Variants in CNTN5 observed in about 807,000 individuals in gnomAD.
CNTN5 encodes contactin-5.
Under a neutral mutation model 129.1 loss-of-function variants are expected in CNTN5, and 77 were observed. The ratio of observed to expected loss-of-function variants is 0.60; its 90% CI spans 0.50 to 0.72. CNTN5 has a LOEUF of 0.72. Among genes scored for constraint, CNTN5 ranks in the 30% least tolerant of loss-of-function variants. CNTN5 has a pLI of 0.00. For synonymous variants in CNTN5, 509 were observed against 465.6 expected (o/e 1.09, Z -1.20); for missense variants, 1,478 against 1,328.8 (o/e 1.11, Z -1.75).
intron 3 of CNTN5, among the ~76,000 whole-genome samples, chr11:99,715,561 T>A (rs1311018478): frequency 6.6e-6 from 1 of 151,958 alleles, no homozygotes; most frequent in Admixed American, 6.6e-5. Context: ...TTTTATGGCC[T>A]GTATAGTTTC....
At chr11:100,264,160 G>T (rs1591450854) in intron 17 of CNTN5, among the ~76,000 whole-genome samples, 1 of 152,076 alleles carries the variant, frequency 6.6e-6, no homozygotes, top group African/African-American at 2.4e-5. Context: ...GTTTGTTTTA[G>T]AAGTCCCTAC....
chr11:99,413,604 G>A (rs943722779), intron 2 of CNTN5, among the ~76,000 whole-genome samples: 14 of 142,714 alleles, frequency 9.8e-5, no homozygotes, highest in African/African-American at 3.7e-4. Flanking sequence ...GGGCAACAGA[G>A]AGGAACTCCA....
At chr11:99,579,783 C>T (rs1949506042) in intron 3 of CNTN5, among the ~76,000 whole-genome samples, 1 of 150,218 alleles carries the variant, frequency 6.7e-6, no homozygotes, top group Admixed American at 6.6e-5. Flanking sequence ...CAAACAGGGA[C>T]AATTTGACTT....
At chr11:100,332,296 C>G (rs193134126) in intron 21 of CNTN5, among the ~76,000 whole-genome samples, 5 of 151,702 alleles carry the variant, frequency 3.3e-5, no homozygotes, top group Non-Finnish European at 5.9e-5. Flanking sequence ...AAATATAGAA[C>G]GTCTGAACAG....
chr11:100,339,772 A>C (rs949402522), intron 21 of CNTN5, among the ~76,000 whole-genome samples: 1 of 152,200 alleles, frequency 6.6e-6, no homozygotes, highest in Non-Finnish European at 1.5e-5. Context: ...TAAACAGAGT[A>C]AATCTTTAGC....
chr11:99,642,410 C>T (rs1951803609), intron 3 of CNTN5, among the ~76,000 whole-genome samples: 1 of 152,080 alleles, frequency 6.6e-6, no homozygotes, highest in African/African-American at 2.4e-5. Flanking sequence ...ATAAACACTC[C>T]ATATGTGCGA....
chr11:99,193,386 T>C (rs1192891918), intron 1 of CNTN5, among the ~76,000 whole-genome samples: 5 of 152,168 alleles, frequency 3.3e-5, no homozygotes, highest in Admixed American at 6.5e-5. Context: ...CTGTGTGCTG[T>C]CTAGGACTCA....
intron 18 of CNTN5, among the ~76,000 whole-genome samples, chr11:100,295,389 T>C (rs1207261761): frequency 1.3e-5 from 2 of 151,600 alleles, no homozygotes; most frequent in African/African-American, 4.8e-5. Flanking sequence ...GAAAGCCCTC[T>C]TTTGCTTTCT....
intron 1 of CNTN5, among the ~76,000 whole-genome samples, chr11:99,113,102 G>A (rs946451512): frequency 1.3e-5 from 2 of 151,920 alleles, no homozygotes; most frequent in Non-Finnish European, 2.9e-5. Context: ...TATAATCTAC[G>A]GTACTTTTAA....
chr11:99,292,713 T>G (rs1022898006), intron 1 of CNTN5, among the ~76,000 whole-genome samples: 3 of 152,140 alleles, frequency 2.0e-5, no homozygotes, highest in African/African-American at 7.2e-5. Flanking sequence ...CAAGTTTCCA[T>G]AAAAAGCACT....
chr11:99,675,902 C>G (rs1036097818), intron 3 of CNTN5, among the ~76,000 whole-genome samples: 3 of 152,016 alleles, frequency 2.0e-5, no homozygotes, highest in Non-Finnish European at 4.4e-5. Flanking sequence ...ACTTGTTACT[C>G]TCTAGAGCTG....
intron 1 of CNTN5, among the ~76,000 whole-genome samples, chr11:99,295,367 T>G (rs1864339485): frequency 1.3e-5 from 2 of 152,246 alleles, no homozygotes. Context: ...GCCAATTCTA[T>G]TATTTAGCAT....
chr11:99,181,244 A>G (rs1325907133), intron 1 of CNTN5, among the ~76,000 whole-genome samples: 2 of 152,178 alleles, frequency 1.3e-5, no homozygotes, highest in African/African-American at 4.8e-5. Context: ...GGGGGCAGGT[A>G]TTGCCACCCG....
At chr11:99,966,236 GA>G (rs1287149979) in intron 8 of CNTN5, among the ~76,000 whole-genome samples, 1 of 152,048 alleles carries the variant, frequency 6.6e-6, no homozygotes, top group Non-Finnish European at 1.5e-5. Context: ...CTTTCAAGTA[GA>G]AATTGAATTT....
chr11:100,094,192 C>T (rs1382433351), intron 13 of CNTN5, among the ~76,000 whole-genome samples: 2 of 152,078 alleles, frequency 1.3e-5, no homozygotes, highest in South Asian at 2.1e-4. Flanking sequence ...CTGGTAGATG[C>T]GGAAATCTTA....
At chr11:99,863,105 T>A (rs757098317) in intron 6 of CNTN5, among the ~76,000 whole-genome samples, 5 of 152,142 alleles carry the variant, frequency 3.3e-5, no homozygotes, top group African/African-American at 4.8e-5. Flanking sequence ...CTGTTGGCCT[T>A]CTGTTGTGTT....
At chr11:99,601,358 G>A (rs916628161) in intron 3 of CNTN5, among the ~76,000 whole-genome samples, 3 of 151,922 alleles carry the variant, frequency 2.0e-5, no homozygotes, top group Admixed American at 1.3e-4. Flanking sequence ...GGGCTGTCTT[G>A]GTAAACCTCT....
intron 2 of CNTN5, among the ~76,000 whole-genome samples, chr11:99,367,934 C>T (rs1236452787): frequency 6.6e-6 from 1 of 152,066 alleles, no homozygotes; most frequent in Non-Finnish European, 1.5e-5. Context: ...TTTTGTTAAG[C>T]ACTTTATTAA....
intron 2 of CNTN5, among the ~76,000 whole-genome samples, chr11:99,335,080 A>G (rs1318358907): frequency 6.6e-6 from 1 of 152,156 alleles, no homozygotes; most frequent in Non-Finnish European, 1.5e-5. Context: ...TTCTAGGCCA[A>G]ATTGGAAAAC....
Sources: allele counts gnomAD v4.1 joint callset (sites outside exome capture counted in the v4.1 genomes callset), GRCh38; gene constraint gnomAD v4.1.1; transcripts MANE v1.5; gene names NCBI Gene and HGNC (gene_info 2026-07-23, HGNC 2026-07-21).